CLINT1: variants seen among roughly 807,000 people sequenced by gnomAD.
CLINT1 encodes clathrin interacting protein localized in the trans-Golgi region.
Under a neutral mutation model 70.4 loss-of-function variants are expected in CLINT1, and 15 were observed. The ratio of observed to expected loss-of-function variants is 0.21; its 90% CI spans 0.14 to 0.33. The LOEUF (loss-of-function observed/expected upper bound fraction) is 0.33. Ranked by LOEUF, CLINT1 falls within the 10% of genes least tolerant of loss-of-function variation. CLINT1 has a pLI of 1.00. For missense variants in CLINT1, 615 were observed against 778.1 expected (o/e 0.79, Z 2.49); for synonymous variants, 227 against 254.7 (o/e 0.89, Z 1.04).
rs138047163 is a variant in CLINT1 at position 157,837,892 on chromosome 5, T to C, written c.42-20345A>G. ...CTCTTGACCTCGTGATCCACCAGCC[T>C]TGGCCTCCCAAAGTACTGGGATTAT... On this transcript the variant is annotated intron_variant, in intron 1 of 11. Transcript: ENST00000411809. 8.2e-3 allele frequency among the ~76,000 whole-genome samples: 1,253 copies of C among 152,130 alleles called. 17 individuals are homozygous for C. Among genetic ancestry groups the C allele is most frequent in the African/African-American group, 0.029 (1,191 of 41,488 alleles).
At chr5:157,850,255 T>C (rs890271345) in intron 1 of CLINT1, among the ~76,000 whole-genome samples, 7 of 152,162 alleles carry the variant, frequency 4.6e-5, no homozygotes, top group Non-Finnish European at 8.8e-5. Context: ...TTTTACATGC[T>C]TAGTGAGAAA....
chr5:157,847,402 T>C (rs1340809045), intron 1 of CLINT1, among the ~76,000 whole-genome samples: 1 of 152,030 alleles, frequency 6.6e-6, no homozygotes, highest in Non-Finnish European at 1.5e-5. Flanking sequence ...TCCCAGCTAC[T>C]TGGGAGGCTG....
chr5:157,811,529 CA>C (rs202176248), intron 5 of CLINT1, among the ~76,000 whole-genome samples: 19,955 of 94,878 alleles, frequency 0.21, 1,253 homozygotes, highest in Non-Finnish European at 0.25. Context: ...CAAGAATCCT[CA>C]AAAAAAAAAA....
intron 3 of CLINT1, among the ~76,000 whole-genome samples, chr5:157,816,113 A>T (rs922933752): frequency 4.6e-5 from 7 of 152,232 alleles, no homozygotes; most frequent in Non-Finnish European, 1.0e-4. Flanking sequence ...CAACAAAAAA[A>T]ATGAAACTAA....
chr5:157,855,322 C>T (rs1208146219), intron 1 of CLINT1, among the ~76,000 whole-genome samples: 1 of 152,126 alleles, frequency 6.6e-6, no homozygotes, highest in East Asian at 1.9e-4. Context: ...AATAGAACTG[C>T]AGCAACTTTC....
chr5:157,845,011 A>G (rs1753320617), intron 1 of CLINT1, among the ~76,000 whole-genome samples: 1 of 152,206 alleles, frequency 6.6e-6, no homozygotes, highest in African/African-American at 2.4e-5. Flanking sequence ...ATAGGTGCAT[A>G]TGTGGAAAAC....
intron 9 of CLINT1, among the ~76,000 whole-genome samples, chr5:157,793,800 C>A (rs2113135367): frequency 6.6e-6 from 1 of 152,188 alleles, no homozygotes; most frequent in East Asian, 1.9e-4. Context: ...AACCCCAAAC[C>A]ATTTTACAAG....
intron 11 of CLINT1, among the ~76,000 whole-genome samples, chr5:157,788,554 A>C (rs1761797762): frequency 6.6e-6 from 1 of 152,258 alleles, no homozygotes; most frequent in Non-Finnish European, 1.5e-5. Context: ...TAATATAACT[A>C]TCAAGAGCTA....
intron 1 of CLINT1, among the ~76,000 whole-genome samples, chr5:157,835,910 CA>C (rs2113282329): frequency 6.6e-6 from 1 of 152,284 alleles, no homozygotes; most frequent in South Asian, 2.1e-4. Flanking sequence ...AAACATACTT[CA>C]AAAACATGAA....
intron 8 of CLINT1, chr5:157,796,099 G>C (rs558849300): frequency 6.6e-6 from 1 of 152,270 alleles, no homozygotes; most frequent in Admixed American, 6.5e-5. Flanking sequence ...CAATACAATA[G>C]TTTTGGTGGA....
intron 1 of CLINT1, among the ~76,000 whole-genome samples, chr5:157,854,467 C>G (rs1464265710): frequency 6.6e-6 from 1 of 152,132 alleles, no homozygotes; most frequent in Non-Finnish European, 1.5e-5. Context: ...CAGCTGTGGT[C>G]CCAGCTGCAG....
intron 8 of CLINT1, among the ~76,000 whole-genome samples, chr5:157,800,874 G>A (rs1762190980): frequency 6.6e-6 from 1 of 152,132 alleles, no homozygotes; most frequent in African/African-American, 2.4e-5. Flanking sequence ...CAGAGGAAAA[G>A]TTACATCCAC....
chr5:157,841,878 T>C (rs1176671751), intron 1 of CLINT1, among the ~76,000 whole-genome samples: 1 of 152,096 alleles, frequency 6.6e-6, no homozygotes, highest in Non-Finnish European at 1.5e-5. Context: ...AAATCCTCCC[T>C]CCTCAGCCTC....
chr5:157,814,889 T>C (rs548495071), intron 3 of CLINT1, among the ~76,000 whole-genome samples: 1 of 151,896 alleles, frequency 6.6e-6, no homozygotes, highest in South Asian at 2.1e-4. Context: ...AAAAATTAGC[T>C]GGGCATGGTG....
At chr5:157,839,059 T>G (rs908652315) in intron 1 of CLINT1, among the ~76,000 whole-genome samples, 2 of 151,488 alleles carry the variant, frequency 1.3e-5, no homozygotes, top group Admixed American at 1.3e-4. Context: ...CAAAACCCCA[T>G]CTCTACAAAA....
chr5:157,830,570 G>A (rs1182313445), intron 1 of CLINT1, among the ~76,000 whole-genome samples: 2 of 151,744 alleles, frequency 1.3e-5, no homozygotes, highest in Non-Finnish European at 2.9e-5. Context: ...ATGGGTTTTT[G>A]TTGGGTTTAA....
At chr5:157,824,346 T>G (rs761517838) in intron 1 of CLINT1, among the ~76,000 whole-genome samples, 19 of 152,198 alleles carry the variant, frequency 1.2e-4, no homozygotes, top group Non-Finnish European at 2.5e-4. Context: ...GTATCAAATG[T>G]ACTGTCAACG....
chr5:157,815,444 T>C (rs1029276317), intron 3 of CLINT1, among the ~76,000 whole-genome samples: 4 of 152,194 alleles, frequency 2.6e-5, no homozygotes, highest in African/African-American at 9.7e-5. Context: ...CTACAAAACT[T>C]TGTGAATATA....
intron 10 of CLINT1, chr5:157,789,787 T>C: frequency 1.9e-6 from 1 of 535,570 alleles, no homozygotes; most frequent in Non-Finnish European, 3.3e-6. Flanking sequence ...ACACTAACAA[T>C]TATTCTCCCA....
Sources: gnomAD v4.1 joint callset for allele counts (sites outside exome capture counted in the v4.1 genomes callset) on GRCh38, gnomAD v4.1.1 for gene constraint, MANE v1.5 for transcripts, NCBI Gene and HGNC (gene_info 2026-07-23, HGNC 2026-07-21) for gene names.